Variants in DNMT3A observed in about 807,000 individuals in gnomAD.
DNMT3A encodes DNA (cytosine-5)-methyltransferase 3A.
A neutral mutation model predicts 117.6 loss-of-function variants in DNMT3A; 267 were observed. The ratio of observed to expected loss-of-function variants is 2.27; its 90% CI spans 2.05 to 2.51. The LOEUF is 2.51. Among genes scored for constraint, DNMT3A ranks in the 30% most tolerant of loss-of-function variants. The pLI, the probability that DNMT3A is intolerant of heterozygous loss-of-function variation, is 0.00. For synonymous variants in DNMT3A, 432 were observed against 474.8 expected, an observed-to-expected ratio of 0.91 and a Z score of 1.17; for missense variants, 1,029 against 1,260.2, an observed-to-expected ratio of 0.82 and a Z score of 2.78.
intron 3 of DNMT3A, among the ~76,000 whole-genome samples, chr2:25,299,552 T>C (rs1225178495): frequency 1.3e-5 from 2 of 151,968 alleles, no homozygotes; most frequent in Non-Finnish European, 2.9e-5. Context: ...AGGCCAGGAG[T>C]CAGGGGCCTG....
rs2031909160 is a variant in DNMT3A at position 25,281,947 on chromosome 2, G to A, written c.448+494C>T. On this transcript the variant is annotated intron_variant, in intron 4 of 22. Coordinates refer to ENST00000321117, the MANE Select transcript of DNMT3A (RefSeq NM_022552.5). The surrounding 1 kb of genome is among the most constrained non-coding windows in gnomAD (Gnocchi z 4.8). ...ACCTCTGCACTCAGGGAGGCAAACA[G>A]GGTATCTGCTGCCCTTGAGTGCCCA... 2.8e-6 allele frequency: 3 copies of A among 1,084,416 alleles called. No individual in the cohort carries two copies. The highest frequency in any genetic ancestry group is 3.4e-6 in the Non-Finnish European group (3 of 890,178). The allele number at this position is 1,084,416 out of a possible 1,614,324, so 67.2% of individuals were successfully genotyped here. A position where few individuals can be genotyped will look rare whatever the true frequency, so the allele number is the denominator to read the frequency against.
chr2:25,248,220 CA>C lies in DNMT3A; in HGVS notation c.671del (p.Met224ArgfsTer92), dbSNP rs1675093361. The C allele has an allele frequency of 6.2e-7, 1 of 1,612,744 alleles. No homozygotes were observed. Among genetic ancestry groups the C allele is most frequent in the Non-Finnish European group, 8.5e-7 (1 of 1,179,660 alleles). ...AEKKAKVIAG[M>X]NAVEENQGPG... is the part of the protein sequence containing the mutation. ...GCCCCTGGTTTTCTTCCACAGCATT[CA>C]TTCCTGCAATGACCTTGGCTTTCTT... On this transcript the variant is annotated frameshift_variant, in exon 7 of 23. Transcript: ENST00000321117. LOFTEE classifies it high-confidence loss of function.
At chr2:25,272,507 A>G (rs1053700259) in intron 6 of DNMT3A, among the ~76,000 whole-genome samples, 1 of 152,246 alleles carries the variant, frequency 6.6e-6, no homozygotes, top group Admixed American at 6.5e-5. Flanking sequence ...CCCCAGGGCT[A>G]AATGAGAACA....
chr2:25,248,269 CAAAA>C lies in DNMT3A; in HGVS notation c.640-21_640-18del. The C allele has an allele frequency of 6.2e-7, 1 of 1,610,402 alleles. No individual in the cohort carries two copies. The highest frequency in any genetic ancestry group is 1.1e-5 in the South Asian group (1 of 90,572). On this transcript the variant is annotated intron_variant, in intron 6 of 22. Transcript: ENST00000321117. ...CTTCTCAGCCTGGGGAAACAAAAAACAAAAAGTCACCTTGACCTCTCCAGGAATT... is the reference window on the plus strand; with the variant it reads ...CTTCTCAGCCTGGGGAAACAAAAAACAGTCACCTTGACCTCTCCAGGAATT...
rs147796165 is a variant in DNMT3A, at chr2:25,280,992, G to C, written c.448+1449C>G. ...GAAGTCAACTGCAGTCAGCCCATGG[G>C]AAGCACCACATTTGGAAGGGCAGGG... is the stretch of plus-strand genomic sequence containing the variant. On this transcript the variant is annotated intron_variant, in intron 4 of 22. Coordinates refer to ENST00000321117, the MANE Select transcript of DNMT3A (RefSeq NM_022552.5). Among the ~76,000 whole-genome samples the C allele has an allele frequency of 1.2e-4, 19 of 152,296 alleles. 1 individual carries two copies. Among genetic ancestry groups the C allele is most frequent in the African/African-American group, 4.3e-4 (18 of 41,550 alleles).
chr2:25,338,598 C>T (rs1014080555), intron 1 of DNMT3A, among the ~76,000 whole-genome samples: 2 of 152,206 alleles, frequency 1.3e-5, no homozygotes, highest in Non-Finnish European at 2.9e-5. Flanking sequence ...TCCCCTCGCT[C>T]AGCAGACACC....
intron 2 of DNMT3A, among the ~76,000 whole-genome samples, 161 bp downstream of exon 2, chr2:25,313,752 G>A (rs1394188482): frequency 6.6e-6 from 1 of 152,176 alleles, no homozygotes; most frequent in Non-Finnish European, 1.5e-5. Flanking sequence ...GCAAGCCTCC[G>A]TTTCCTCATC....
rs774384800 is a variant in DNMT3A at position 25,234,316 on chromosome 2, A to G, written c.2702T>C (p.Leu901Pro). The change falls in exon 23 of 23, where the codon CTC (leucine) becomes CCC (proline). Residue 901 changes from leucine to proline, a missense_variant. Leu to Pro is a moderately conservative substitution (Grantham distance 98). Coordinates refer to ENST00000321117, the MANE Select transcript of DNMT3A (RefSeq NM_022552.5). This position sits in a 1 kb window ranked among gnomAD's most constrained non-coding sequence, Gnocchi z 4.5. ...RSWSVPVIRH[L>P]FAPLKEYFAC... is the part of the protein sequence containing the mutation. The stretch of plus-strand genomic sequence containing the variant: ...AAAATACTCCTTCAGCGGAGCGAAG[A>G]GGTGGCGGATGACTGGCACGCTCCA... 1.9e-6 allele frequency: 3 copies of G among 1,613,910 alleles called. No individual in the cohort carries two copies. Among genetic ancestry groups the G allele is most frequent in the African/African-American group, 1.3e-5 (1 of 74,916 alleles).
rs1672886859 is a variant in DNMT3A, at chr2:25,231,566, G to C, written c.*2713C>G. ...ATTACTAATTTGGTTTATTCAATAG[G>C]TGAGGTTCACTGTCCCATTTTTTTT... On this transcript the variant is annotated 3_prime_UTR_variant, in exon 23 of 23. Transcript: ENST00000321117. The C allele has an allele frequency of 1.3e-5, 2 of 152,242 alleles. No homozygotes were observed. 9.4% of individuals were successfully genotyped at this position (152,242 alleles called of 1,614,324 possible).
chr2:25,260,537 G>A (rs1468445282), intron 6 of DNMT3A, among the ~76,000 whole-genome samples: 4 of 152,160 alleles, frequency 2.6e-5, no homozygotes, highest in African/African-American at 7.2e-5. Flanking sequence ...AGGAGGCTGA[G>A]CTGTTATTCC....
intron 6 of DNMT3A, among the ~76,000 whole-genome samples, chr2:25,264,911 AC>A (rs1349583944): frequency 2.0e-5 from 3 of 152,032 alleles, no homozygotes; most frequent in African/African-American, 4.8e-5. Context: ...TTCCAGTCTC[AC>A]CCCCCAACCT....
At position 25,293,750 on chromosome 2, in the gene DNMT3A, C is replaced by A. The variant is rs1357669517; in HGVS notation, c.177+6389G>T. Among the ~76,000 whole-genome samples the A allele has an allele frequency of 1.3e-5, 2 of 152,234 alleles. No homozygotes were observed. The highest frequency in any genetic ancestry group is 2.9e-5 in the Non-Finnish European group (2 of 68,040). On this transcript the variant is annotated intron_variant, in intron 3 of 22. Transcript: ENST00000321117. The surrounding 1 kb of genome is among the most constrained non-coding windows in gnomAD (Gnocchi z 4.7). ...GCAGTGGCACAATCTCGGCTCACTG[C>A]AACCTCTGCCTGCCCAGGTTCAAGC...
Position 25,237,467 on chromosome 2 carries a change from T to C in DNMT3A, c.2409-462A>G, listed in dbSNP as rs1673497672. Among the ~76,000 whole-genome samples the C allele has an allele frequency of 6.6e-6, 1 of 152,102 alleles. No homozygotes were observed. On this transcript the variant is annotated intron_variant, in intron 20 of 22. Transcript: ENST00000321117. This position sits in a 1 kb window ranked among gnomAD's most constrained non-coding sequence, Gnocchi z 5.4. The stretch of plus-strand genomic sequence containing the variant: ...AAACCGCAAGCCTTAAATGTACTGC[T>C]TTAAAAGACTAAATTCTGGGCCAGG...
intron 3 of DNMT3A, among the ~76,000 whole-genome samples, chr2:25,290,079 C>T (rs959599661): frequency 2.0e-5 from 3 of 152,124 alleles, no homozygotes; most frequent in African/African-American, 7.2e-5. Context: ...GCAATCTTCC[C>T]GCCTCAGTTT....
Position 25,274,940 on chromosome 2 carries a change from C to T in DNMT3A, c.639+1G>A. On this transcript the variant is annotated splice_donor_variant, in intron 6 of 22. Coordinates refer to ENST00000321117, the MANE Select transcript of DNMT3A (RefSeq NM_022552.5). LOFTEE classifies it high-confidence loss of function. Reference sequence around the variant, plus strand: ...GGGGCCCAGGCCAGAAGGCGCCTCACCTCCCTTTTCCAGCGTGCCAGCCAC... The same window carrying T: ...GGGGCCCAGGCCAGAAGGCGCCTCATCTCCCTTTTCCAGCGTGCCAGCCAC... The T allele has an allele frequency of 6.2e-7, 1 of 1,607,154 alleles. No individual in the cohort carries two copies.
rs1224598307 is a variant in DNMT3A at position 25,257,022 on chromosome 2, C to T, written c.640-8770G>A. ...GTTGGGGAATGGATCCATTTCATAGCAGGAATTCTAATCGTTGCTACGAGG... is the reference window on the plus strand; with the variant it reads ...GTTGGGGAATGGATCCATTTCATAGTAGGAATTCTAATCGTTGCTACGAGG... On this transcript the variant is annotated intron_variant, in intron 6 of 22. Coordinates refer to ENST00000321117, the MANE Select transcript of DNMT3A (RefSeq NM_022552.5). The surrounding 1 kb of genome is among the most constrained non-coding windows in gnomAD (Gnocchi z 4.8). Among the ~76,000 whole-genome samples the T allele has an allele frequency of 6.6e-6, 1 of 152,228 alleles. No individual in the cohort carries two copies.
chr2:25,289,908 C>CAA (rs1300448772), intron 3 of DNMT3A, among the ~76,000 whole-genome samples: 1 of 152,262 alleles, frequency 6.6e-6, no homozygotes, highest in African/African-American at 2.4e-5. Flanking sequence ...TCACTCCAGG[C>CAA]AAAGCCTTGC....
intron 6 of DNMT3A, among the ~76,000 whole-genome samples, chr2:25,269,702 A>G (rs928198362): frequency 6.6e-6 from 1 of 152,188 alleles, no homozygotes; most frequent in Non-Finnish European, 1.5e-5. Flanking sequence ...TAGTCCTTAC[A>G]GGACTAGTAA....
intron 21 of DNMT3A, 134 bp from the exon 22 acceptor site, chr2:25,235,959 T>C: frequency 1.3e-6 from 1 of 785,146 alleles, no homozygotes; most frequent in Non-Finnish European, 2.2e-6. Context: ...TGGGTATGGC[T>C]CTGAGTGAGC....
Sources: allele counts gnomAD v4.1 joint callset (sites outside exome capture counted in the v4.1 genomes callset), GRCh38; gene constraint gnomAD v4.1.1; non-coding constraint Gnocchi (gnomAD v3.1); transcripts MANE v1.5; gene names NCBI Gene and HGNC (gene_info 2026-07-23, HGNC 2026-07-21).